Variants in ATAD2 observed in about 807,000 individuals in gnomAD.
ATAD2 encodes the protein ATPase family AAA domain containing 2.
In ATAD2, 62 loss-of-function variants were observed where a neutral mutation model predicts 168.9. That is an observed-to-expected ratio of 0.37 (90% CI 0.30 to 0.45). ATAD2 has a LOEUF of 0.45. Among genes scored for constraint, ATAD2 ranks in the 20% least tolerant of loss-of-function variants. ATAD2 has a pLI of 1.00. For missense variants in ATAD2, 1,419 were observed against 1,667.8 expected, an observed-to-expected ratio of 0.85 and a Z score of 2.60; for synonymous variants, 613 against 571.6, an observed-to-expected ratio of 1.07 and a Z score of -1.03.
intron 13 of ATAD2, among the ~76,000 whole-genome samples, chr8:123,351,932 T>G (rs569961295): frequency 1.3e-5 from 2 of 152,162 alleles, no homozygotes; most frequent in East Asian, 3.9e-4. Flanking sequence ...GTATTTTTAG[T>G]AGAGATGGGG....
intron 1 of ATAD2, among the ~76,000 whole-genome samples, chr8:123,403,711 A>G (rs540391370): frequency 2.0e-5 from 3 of 152,282 alleles, no homozygotes; most frequent in African/African-American, 7.2e-5. Flanking sequence ...GCAAGAACAG[A>G]TGTAGAATGA....
At chr8:123,346,834 TC>T in intron 16 of ATAD2, 84 bp from the exon 17 acceptor site, 1 of 1,361,672 alleles carries the variant, frequency 7.3e-7, no homozygotes, top group Non-Finnish European at 1.0e-6. Context: ...TCAGCATACT[TC>T]AATTAAATTT....
At chr8:123,325,814 A>C in intron 26 of ATAD2, 79 bp downstream of exon 26, 4 of 1,524,674 alleles carry the variant, frequency 2.6e-6, no homozygotes, top group Non-Finnish European at 3.6e-6. Flanking sequence ...CCATGTAGCC[A>C]GAATGCTACT....
intron 1 of ATAD2, among the ~76,000 whole-genome samples, chr8:123,405,691 C>T (rs1042175500): frequency 6.6e-6 from 1 of 152,220 alleles, no homozygotes; most frequent in African/African-American, 2.4e-5. Context: ...GCTTCTTTAT[C>T]TAGGTCTTAG....
At chr8:123,390,998 C>G (rs967112245) in intron 1 of ATAD2, among the ~76,000 whole-genome samples, 12 of 151,096 alleles carry the variant, frequency 7.9e-5, no homozygotes, top group African/African-American at 2.9e-4. Context: ...CTAGCCTGGG[C>G]GACAAAAGCA....
Position 123,372,664 on chromosome 8 carries a change from C to T in ATAD2, c.343G>A (p.Asp115Asn). The T allele has an allele frequency of 6.3e-7, 1 of 1,586,132 alleles. No individual in the cohort carries two copies. Among genetic ancestry groups the T allele is most frequent in the South Asian group, 1.2e-5 (1 of 85,580 alleles). The change falls in exon 3 of 28, where the codon GAT (aspartate) becomes AAT (asparagine). Residue 115 changes from aspartate (D) to asparagine (N), a missense_variant. Physicochemically the swap from Asp to Asn is conservative, Grantham distance 23. Coordinates refer to ENST00000287394, the MANE Select transcript of ATAD2 (RefSeq NM_014109.4). ...FTRQLARQQA[D>N]KKKEEHREDK... ...TCTCTGTGCTCTTCTTTTTTTTTAT[C>T]AGCCTGCTGTCTGGCCAACTGCCTA...
chr8:123,365,170 C>T (rs1044943275), intron 8 of ATAD2, among the ~76,000 whole-genome samples: 4 of 152,134 alleles, frequency 2.6e-5, no homozygotes, highest in African/African-American at 9.7e-5. Flanking sequence ...AACTCAACCC[C>T]TTTTACAATA....
intron 2 of ATAD2, among the ~76,000 whole-genome samples, chr8:123,379,528 T>C (rs1249629807): frequency 6.6e-6 from 1 of 151,794 alleles, no homozygotes; most frequent in African/African-American, 2.4e-5. Flanking sequence ...AGGTATCATC[T>C]TTGAATAATA....
intron 10 of ATAD2, 106 bp downstream of exon 10, chr8:123,359,471 T>C: frequency 7.8e-7 from 1 of 1,275,110 alleles, no homozygotes; most frequent in Non-Finnish European, 1.1e-6. Flanking sequence ...TCTGTAAAGG[T>C]TAGAGTTTTG....
chr8:123,359,613 G>A lies in ATAD2; in HGVS notation c.1230C>T (p.Ser410=). ...IYKDRMKIGA[S]LADVDPMQLD... ...GTTGCATTGGATCAACATCGGCAAG[G>A]CTTGCTCCAATTTTCATTCGATCTT... Residue 410 remains serine, a synonymous_variant, in exon 10 of 28, where the codon AGC becomes AGT. Transcript: ENST00000287394. 2 of 1,613,186 alleles carry A rather than the reference G, an allele frequency of 1.2e-6. No individual in the cohort carries two copies. The highest frequency in any genetic ancestry group is 1.7e-6 in the Non-Finnish European group (2 of 1,179,690).
rs750131313 is a variant in ATAD2, at chr8:123,347,086, T to G, written c.2212+6A>C. The G allele has an allele frequency of 6.3e-7, 1 of 1,599,900 alleles. No homozygotes were observed. Among genetic ancestry groups the G allele is most frequent in the East Asian group, 2.2e-5 (1 of 44,678 alleles). On this transcript the variant is annotated splice_donor_region_variant and intron_variant, in intron 16 of 27. Coordinates refer to ENST00000287394, the MANE Select transcript of ATAD2 (RefSeq NM_014109.4). The stretch of plus-strand genomic sequence containing the variant: ...CTAACTTTAAATGGTCAATCAAGTT[T>G]TATACCTGAGTCTAATGTTTTATTT...
At chr8:123,376,510 C>A (rs1339835484) in intron 2 of ATAD2, among the ~76,000 whole-genome samples, 1 of 151,728 alleles carries the variant, frequency 6.6e-6, no homozygotes, top group African/African-American at 2.4e-5. Flanking sequence ...TGCAGTGAGC[C>A]AAGACTGAAC....
At chr8:123,372,315 G>A (rs536307338) in intron 3 of ATAD2, among the ~76,000 whole-genome samples, 2 of 152,248 alleles carry the variant, frequency 1.3e-5, no homozygotes, top group East Asian at 3.9e-4. Context: ...TAATAACAGA[G>A]AACAGATTCT....
intron 13 of ATAD2, among the ~76,000 whole-genome samples, chr8:123,350,158 T>C (rs1431900453): frequency 6.6e-6 from 1 of 152,188 alleles, no homozygotes; most frequent in Non-Finnish European, 1.5e-5. Context: ...CATAACAGAA[T>C]TTTCATTACA....
At chr8:123,339,060 G>A (rs765181146) in intron 20 of ATAD2, among the ~76,000 whole-genome samples, 2 of 152,094 alleles carry the variant, frequency 1.3e-5, no homozygotes, top group African/African-American at 2.4e-5. Flanking sequence ...GGGGGTGGAG[G>A]GCTGAGGCAG....
chr8:123,354,626 G>A lies in ATAD2; in HGVS notation c.1646+1763C>T, dbSNP rs540742792. On this transcript the variant is annotated intron_variant, in intron 13 of 27. Transcript: ENST00000287394. ...GGAGGCTGAGGCGGGCTGATCACCTGAGGTCAGGAGTTCAAGACCTGGCCA... is the reference window on the plus strand; with the variant it reads ...GGAGGCTGAGGCGGGCTGATCACCTAAGGTCAGGAGTTCAAGACCTGGCCA... Among the ~76,000 whole-genome samples, 29 of 151,674 alleles carry A rather than the reference G, an allele frequency of 1.9e-4. No homozygotes were observed. In the East Asian group the frequency reaches 4.9e-3, roughly 25 times the overall value.
intron 20 of ATAD2, 76 bp from the exon 21 acceptor site, chr8:123,337,897 G>T: frequency 7.2e-7 from 1 of 1,379,726 alleles, no homozygotes; most frequent in Non-Finnish European, 9.7e-7. Context: ...TGAAAACAGA[G>T]TCAGGATTTG....
chr8:123,402,071 G>A lies in ATAD2; in HGVS notation c.-2281-896C>T, dbSNP rs768124690. 1.1e-4 allele frequency: 162 copies of A among 1,430,658 alleles called. No homozygotes were observed. Among genetic ancestry groups the A allele is most frequent in the Admixed American group, 2.4e-4 (14 of 58,882 alleles). 88.6% of individuals were successfully genotyped at this position (1,430,658 alleles called of 1,614,324 possible). A position where few individuals can be genotyped will look rare whatever the true frequency, so the allele number is the denominator to read the frequency against. On this transcript the variant is annotated intron_variant, in intron 1 of 28. Coordinates refer to the ATAD2 transcript ENST00000521903. This position sits in a 1 kb window ranked among gnomAD's most constrained non-coding sequence, Gnocchi z 4.8. The stretch of plus-strand genomic sequence containing the variant: ...CATGTCGGCCCAGATTGAGGGTGGC[G>A]TCCATGGCCTGCACTCTTAGGAGAA...
chr8:123,352,707 GTTTT>G (rs1828509508), intron 13 of ATAD2: 1 of 146,574 alleles, frequency 6.8e-6, no homozygotes, highest in South Asian at 2.2e-4. Context: ...CAAATAAGAT[GTTTT>G]CTTTTAAAAA....
Sources: gnomAD v4.1 joint callset for allele counts (sites outside exome capture counted in the v4.1 genomes callset) on GRCh38, gnomAD v4.1.1 for gene constraint, Gnocchi (gnomAD v3.1) non-coding constraint, MANE v1.5 for transcripts, NCBI Gene and HGNC (gene_info 2026-07-23, HGNC 2026-07-21) for gene names.